The following COL21A1 variants were observed in gnomAD, a reference collection of about 807,000 sequenced individuals.
COL21A1 encodes collagen alpha-1(XXI) chain.
COL21A1 carries 149 observed loss-of-function variants against 137.9 expected under a neutral mutation model. The observed-to-expected ratio is 1.08, with a 90% confidence interval of 0.95 to 1.24. The LOEUF (loss-of-function observed/expected upper bound fraction) is 1.24, where lower values mean the gene tolerates loss of function less well. Ranked by LOEUF, COL21A1 falls within the 50% of genes most tolerant of loss-of-function variation. The pLI, the probability that COL21A1 is intolerant of heterozygous loss-of-function variation, is 0.00. For missense variants in COL21A1, 1,167 were observed against 1,158.4 expected, an observed-to-expected ratio of 1.01 and a Z score of -0.11; for synonymous variants, 456 against 391.5, an observed-to-expected ratio of 1.16 and a Z score of -1.95.
intron 16 of COL21A1, among the ~76,000 whole-genome samples, chr6:56,120,572 G>A (rs1325280660): frequency 6.6e-6 from 1 of 152,078 alleles, no homozygotes; most frequent in Non-Finnish European, 1.5e-5. Flanking sequence ...CAAGGAGGGT[G>A]GATCGCCTGA....
At chr6:56,091,328 A>C (rs1031346623) in intron 17 of COL21A1, among the ~76,000 whole-genome samples, 1 of 152,204 alleles carries the variant, frequency 6.6e-6, no homozygotes, top group Non-Finnish European at 1.5e-5. Flanking sequence ...CATGTGGTTA[A>C]GCAAGAATTT....
intron 1 of COL21A1, among the ~76,000 whole-genome samples, chr6:56,364,040 A>G (rs1403936068): frequency 6.6e-6 from 1 of 152,246 alleles, no homozygotes; most frequent in Admixed American, 6.5e-5. Context: ...AGCTGCCAAG[A>G]TAAGTGCATT....
At chr6:56,103,797 C>A (rs1770650892) in intron 16 of COL21A1, among the ~76,000 whole-genome samples, 1 of 152,046 alleles carries the variant, frequency 6.6e-6, no homozygotes, top group Admixed American at 6.6e-5. Flanking sequence ...CTGAATCACC[C>A]GGAAGGTTTG....
chr6:56,142,929 C>A (rs1774528425), intron 10 of COL21A1, among the ~76,000 whole-genome samples: 2 of 152,118 alleles, frequency 1.3e-5, no homozygotes, highest in African/African-American at 4.8e-5. Flanking sequence ...TTCTATGTGG[C>A]TATTCATGGG....
intron 1 of COL21A1, among the ~76,000 whole-genome samples, chr6:56,237,754 T>G (rs1338073462): frequency 6.6e-6 from 1 of 152,138 alleles, no homozygotes; most frequent in Non-Finnish European, 1.5e-5. Context: ...GAAACACACA[T>G]ACATAAATGG....
chr6:56,106,456 T>G (rs892489378), intron 16 of COL21A1, among the ~76,000 whole-genome samples: 1 of 152,200 alleles, frequency 6.6e-6, no homozygotes, highest in African/African-American at 2.4e-5. Context: ...CAACACATTA[T>G]GTTTCTCACT....
At chr6:56,279,424 G>T (rs2152333700) in intron 1 of COL21A1, among the ~76,000 whole-genome samples, 1 of 152,290 alleles carries the variant, frequency 6.6e-6, no homozygotes, top group African/African-American at 2.4e-5. Flanking sequence ...TTGGCTGCTA[G>T]GCATCTTTGC....
chr6:56,319,114 A>G (rs1001667888), intron 1 of COL21A1, among the ~76,000 whole-genome samples: 1 of 152,048 alleles, frequency 6.6e-6, no homozygotes, highest in Non-Finnish European at 1.5e-5. Flanking sequence ...CACTTTCTTC[A>G]GTTTCTGGGA....
rs201868644 is a variant in COL21A1 at position 56,331,263 on chromosome 6, TC to T, written c.-39+62707del. ...TTCTGCAGGTTGTCTATTTTTTTTT[TC>T]TGTGTAGAAGCTTTTCAGTTTAAGT... On this transcript the variant is annotated intron_variant, in intron 1 of 28. Coordinates refer to the COL21A1 transcript ENST00000370819. Among the ~76,000 whole-genome samples, 59 of 151,626 alleles carry T rather than the reference TC, an allele frequency of 3.9e-4. No homozygotes were observed. In the East Asian group the frequency reaches 4.1e-3, roughly 10 times the overall value.
chr6:56,183,433 AT>A (rs1561958739), intron 1 of COL21A1, among the ~76,000 whole-genome samples: 3 of 152,188 alleles, frequency 2.0e-5, no homozygotes, highest in African/African-American at 7.2e-5. Flanking sequence ...GCCACAGCAT[AT>A]AAAAAATCAC....
intron 1 of COL21A1, among the ~76,000 whole-genome samples, chr6:56,366,612 C>T (rs954185064): frequency 1.3e-4 from 20 of 152,172 alleles, no homozygotes; most frequent in Non-Finnish European, 2.6e-4. Context: ...AGCTCTGCCC[C>T]CTCTGTCAGG....
chr6:56,220,501 G>T (rs373427956), intron 1 of COL21A1, among the ~76,000 whole-genome samples: 10 of 152,234 alleles, frequency 6.6e-5, no homozygotes, highest in African/African-American at 2.4e-4. Flanking sequence ...CTAAAGACTT[G>T]TGAAAAACCT....
chr6:56,143,542 T>C (rs1412895580), intron 10 of COL21A1, among the ~76,000 whole-genome samples: 1 of 152,168 alleles, frequency 6.6e-6, no homozygotes, highest in Non-Finnish European at 1.5e-5. Flanking sequence ...CTTTCCTTCA[T>C]ACTCTATTCA....
intron 1 of COL21A1, among the ~76,000 whole-genome samples, chr6:56,311,576 A>G (rs1166655570): frequency 6.6e-6 from 1 of 152,196 alleles, no homozygotes; most frequent in Non-Finnish European, 1.5e-5. Context: ...TTTACTTTTG[A>G]AGAGAACTGC....
intron 1 of COL21A1, among the ~76,000 whole-genome samples, chr6:56,228,004 A>G (rs1781319534): frequency 6.6e-6 from 1 of 151,950 alleles, no homozygotes; most frequent in Non-Finnish European, 1.5e-5. Context: ...ATCACTAAAG[A>G]ACAAGATGTG....
intron 1 of COL21A1, among the ~76,000 whole-genome samples, chr6:56,230,847 A>C (rs1781515275): frequency 6.6e-6 from 1 of 151,964 alleles, no homozygotes; most frequent in South Asian, 2.1e-4. Flanking sequence ...CATTTCCAAA[A>C]TAAATTCATC....
At chr6:56,148,572 A>G (rs893513751) in intron 10 of COL21A1, among the ~76,000 whole-genome samples, 1 of 152,140 alleles carries the variant, frequency 6.6e-6, no homozygotes, top group African/African-American at 2.4e-5. Context: ...TTTAATCTTC[A>G]TGGCATTCAG....
Position 56,331,264 on chromosome 6 carries a change from C to G in COL21A1, c.-39+62707G>C, listed in dbSNP as rs115131980. On this transcript the variant is annotated intron_variant, in intron 1 of 28. Transcript: ENST00000370819. ...TCTGCAGGTTGTCTATTTTTTTTTT[C>G]TGTGTAGAAGCTTTTCAGTTTAAGT... 6.2e-4 allele frequency among the ~76,000 whole-genome samples: 92 copies of G among 148,324 alleles called. No individual in the cohort carries two copies. In the Middle Eastern group the frequency reaches 0.014, roughly 23 times the overall value.
chr6:56,149,497 G>T (rs994424185), intron 10 of COL21A1, among the ~76,000 whole-genome samples: 2 of 152,136 alleles, frequency 1.3e-5, no homozygotes, highest in Non-Finnish European at 2.9e-5. Context: ...GACAAGAAAA[G>T]ATACTTCACA....
Sources: allele counts gnomAD v4.1 joint callset (sites outside exome capture counted in the v4.1 genomes callset), GRCh38; gene constraint gnomAD v4.1.1; transcripts MANE v1.5; gene names NCBI Gene and HGNC (gene_info 2026-07-23, HGNC 2026-07-21).